ZDHHC19: variants seen among roughly 807,000 people sequenced by gnomAD.
The protein encoded by ZDHHC19 is palmitoyltransferase ZDHHC19.
In ZDHHC19, 30 loss-of-function variants were observed where a neutral mutation model predicts 33.9. The observed-to-expected ratio is 0.88, with a 90% CI of 0.66 to 1.20. ZDHHC19 has a LOEUF of 1.20. Among genes scored for constraint, ZDHHC19 ranks in the 50% most tolerant of loss-of-function variants. The pLI, the probability that ZDHHC19 is intolerant of heterozygous loss-of-function variation, is 0.00. For missense variants in ZDHHC19, 364 were observed against 401.1 expected (o/e 0.91, Z 0.79); for synonymous variants, 178 against 167.6 (o/e 1.06, Z -0.48).
At chr3:196,204,364 G>T (rs1722578277) in intron 5 of ZDHHC19, among the ~76,000 whole-genome samples, 1 of 152,142 alleles carries the variant, frequency 6.6e-6, no homozygotes, top group Non-Finnish European at 1.5e-5. Flanking sequence ...AAATAAGGAT[G>T]AAAGACATCG....
intron 4 of ZDHHC19, 120 bp downstream of exon 4, chr3:196,208,268 T>G: frequency 1.6e-6 from 1 of 614,492 alleles, no homozygotes; most frequent in Non-Finnish European, 2.4e-6. Context: ...CCTCACCTCG[T>G]CCCAGACTGG....
chr3:196,206,679 C>CTTTTTTTTTT (rs10578928), intron 5 of ZDHHC19, among the ~76,000 whole-genome samples: 2 of 112,790 alleles, frequency 1.8e-5, no homozygotes, highest in Non-Finnish European at 3.6e-5. Context: ...CTTTTCTTTT[C>CTTTTTTTTTT]TTTTTTTTTT....
intron 5 of ZDHHC19, among the ~76,000 whole-genome samples, chr3:196,202,717 A>T (rs1722455323): frequency 6.6e-6 from 1 of 152,184 alleles, no homozygotes; most frequent in Non-Finnish European, 1.5e-5. Flanking sequence ...GTCCGGAAAG[A>T]GTAGTATGAG....
chr3:196,209,147 C>T lies in ZDHHC19; in HGVS notation c.408+229G>A, dbSNP rs114674350. The T allele has an allele frequency of 2.6e-3, 1,486 of 581,266 alleles. 18 individuals are homozygous for T. Among genetic ancestry groups the T allele is most frequent in the African/African-American group, 0.023 (1,237 of 53,182 alleles). The allele number at this position is 581,266 out of a possible 1,614,324, so 36.0% of individuals were successfully genotyped here. ...GGCCTGACCCAGCCCAGGACAGATG[C>T]GGATGCCCTGTGCATGTCAGCACCT... On this transcript the variant is annotated intron_variant, in intron 3 of 7. Transcript: ENST00000296326.
chr3:196,208,301 C>T, intron 4 of ZDHHC19, 87 bp downstream of exon 4: 6 of 1,310,254 alleles, frequency 4.6e-6, no homozygotes, highest in Non-Finnish European at 5.1e-6. Context: ...GCTTCTCCCT[C>T]TAGCCCCGCC....
At chr3:196,201,378 T>C (rs1192065407) in intron 5 of ZDHHC19, among the ~76,000 whole-genome samples, 1 of 149,524 alleles carries the variant, frequency 6.7e-6, no homozygotes, top group African/African-American at 2.5e-5. Flanking sequence ...AACTGACCAA[T>C]ACATTTGTAC....
intron 5 of ZDHHC19, 74 bp downstream of exon 5, chr3:196,207,324 C>T: frequency 7.3e-7 from 1 of 1,369,288 alleles, no homozygotes; most frequent in Non-Finnish European, 1.0e-6. Flanking sequence ...CTATCAGGGC[C>T]AAGGGCAGTG....
chr3:196,208,160 A>G lies in ZDHHC19; in HGVS notation c.581+228T>C, dbSNP rs139752472. Among the ~76,000 whole-genome samples the G allele has an allele frequency of 6.4e-3, 978 of 151,744 alleles. 5 individuals carry two copies. Among genetic ancestry groups the G allele is most frequent in the Non-Finnish European group, 9.6e-3 (651 of 67,882 alleles). On this transcript the variant is annotated intron_variant, in intron 4 of 7. Coordinates refer to ENST00000296326, the MANE Select transcript of ZDHHC19 (RefSeq NM_001039617.2). ...GCGATCCTCCCGCCTCGGCCTCCCAAAGTGCCGGAATTACAGGCGTGAGCC... is the reference window on the plus strand; with the variant it reads ...GCGATCCTCCCGCCTCGGCCTCCCAGAGTGCCGGAATTACAGGCGTGAGCC...
intron 5 of ZDHHC19, among the ~76,000 whole-genome samples, chr3:196,205,382 T>C (rs1416687328): frequency 6.6e-6 from 1 of 152,036 alleles, no homozygotes; most frequent in African/African-American, 2.4e-5. Flanking sequence ...TTGTGCTAAG[T>C]GAAAGAAGCC....
intron 5 of ZDHHC19, among the ~76,000 whole-genome samples, chr3:196,201,162 T>C (rs1169880324): frequency 6.6e-6 from 1 of 151,382 alleles, no homozygotes; most frequent in Non-Finnish European, 1.5e-5. Flanking sequence ...AACCTCCGCC[T>C]CCCGGGTTCA....
intron 1 of ZDHHC19, 21 bp downstream of exon 1, chr3:196,211,142 AACCTAAC>A: frequency 6.2e-7 from 1 of 1,614,084 alleles, no homozygotes; most frequent in Non-Finnish European, 8.5e-7. Flanking sequence ...CTTTGTGGGA[AACCTAAC>A]GGCTTGCCTG....
chr3:196,206,249 A>G (rs565364643), intron 5 of ZDHHC19, among the ~76,000 whole-genome samples: 4 of 146,846 alleles, frequency 2.7e-5, no homozygotes, highest in East Asian at 2.1e-4. Flanking sequence ...ACAGGGTTTC[A>G]CCTTGTTGGC....
Position 196,203,745 on chromosome 3 carries a change from C to G in ZDHHC19, c.687+3653G>C, listed in dbSNP as rs932307475. Among the ~76,000 whole-genome samples, 1 of 152,130 alleles carries G rather than the reference C, an allele frequency of 6.6e-6. No individual in the cohort carries two copies. Among genetic ancestry groups the G allele is most frequent in the Non-Finnish European group, 1.5e-5 (1 of 68,030 alleles). Reference sequence around the variant, plus strand: ...GAAGGCTGCCCAGAAAAGGCTGAAACGATGCACTGAGGCTGGGGAGGGTCC... The same window carrying G: ...GAAGGCTGCCCAGAAAAGGCTGAAAGGATGCACTGAGGCTGGGGAGGGTCC... On this transcript the variant is annotated intron_variant, in intron 5 of 7. Transcript: ENST00000296326. This position sits in a 1 kb window ranked among gnomAD's most constrained non-coding sequence, Gnocchi z 4.3.
At position 196,208,377 on chromosome 3, in the gene ZDHHC19, T is replaced by C. The variant is rs1722951207; in HGVS notation, c.581+11A>G. On this transcript the variant is annotated intron_variant, in intron 4 of 7. Coordinates refer to ENST00000296326, the MANE Select transcript of ZDHHC19 (RefSeq NM_001039617.2). ...CCGCCTCCTCTCCTGCTTCCCCACGTGGGCGGATACGCGATGGCCTTGTCG... is the reference window on the plus strand; with the variant it reads ...CCGCCTCCTCTCCTGCTTCCCCACGCGGGCGGATACGCGATGGCCTTGTCG... The C allele has an allele frequency of 2.5e-6, 4 of 1,605,336 alleles. No individual in the cohort carries two copies. The highest frequency in any genetic ancestry group is 3.4e-6 in the Non-Finnish European group (4 of 1,175,100).
chr3:196,206,430 G>A (rs76774947), intron 5 of ZDHHC19, among the ~76,000 whole-genome samples: 35,138 of 151,392 alleles, frequency 0.23, 4,191 homozygotes, highest in East Asian at 0.36. Context: ...CTCACTGACT[G>A]CAGCCTCCAT....
intron 2 of ZDHHC19, among the ~76,000 whole-genome samples, 161 bp downstream of exon 2, chr3:196,210,455 G>A (rs6795617): frequency 0.71 from 102,787 of 143,892 alleles, 39,687 homozygotes; most frequent in South Asian, 0.86. Flanking sequence ...AAAGAAAAGA[G>A]AAGAGAAGAA....
intron 5 of ZDHHC19, among the ~76,000 whole-genome samples, chr3:196,201,584 G>T (rs1722355163): frequency 6.6e-6 from 1 of 152,010 alleles, no homozygotes; most frequent in Non-Finnish European, 1.5e-5. Flanking sequence ...AGTCGGGCAT[G>T]GTGGCATGTG....
At chr3:196,200,653 CTTTTTT>C (rs71621224) in intron 5 of ZDHHC19, among the ~76,000 whole-genome samples, 10 of 129,820 alleles carry the variant, frequency 7.7e-5, no homozygotes, top group Admixed American at 7.1e-4. Context: ...CACGCCTGGC[CTTTTTT>C]TTTTTTTTTT....
chr3:196,206,587 A>G (rs905525132), intron 5 of ZDHHC19, among the ~76,000 whole-genome samples: 1 of 152,044 alleles, frequency 6.6e-6, no homozygotes, highest in African/African-American at 2.4e-5. Context: ...TCCGGGGCTC[A>G]AGTGATCCTC....
Sources: allele counts gnomAD v4.1 joint callset (sites outside exome capture counted in the v4.1 genomes callset), GRCh38; gene constraint gnomAD v4.1.1; non-coding constraint Gnocchi (gnomAD v3.1); transcripts MANE v1.5; gene names NCBI Gene and HGNC (gene_info 2026-07-23, HGNC 2026-07-21).